GRIN2A: variants seen among roughly 807,000 people sequenced by gnomAD.
GRIN2A encodes glutamate ionotropic receptor NMDA type subunit 2A.
A neutral mutation model predicts 113.4 loss-of-function variants in GRIN2A; 22 were observed. The observed-to-expected ratio is 0.19, with a 90% CI of 0.14 to 0.28. The LOEUF (loss-of-function observed/expected upper bound fraction) is 0.28. GRIN2A is among the 10% of genes least tolerant of loss of function. The pLI is 1.00. For missense variants in GRIN2A, 1,502 were observed against 1,887.0 expected, an observed-to-expected ratio of 0.80 and a Z score of 3.78; for synonymous variants, 827 against 738.4, an observed-to-expected ratio of 1.12 and a Z score of -1.94.
At chr16:9,940,227 G>T (rs986936964) in intron 2 of GRIN2A, among the ~76,000 whole-genome samples, 1 of 152,102 alleles carries the variant, frequency 6.6e-6, no homozygotes. Flanking sequence ...ATAGTTCTTC[G>T]AAATACTGCT....
At chr16:9,811,781 A>T (rs547060645) in intron 10 of GRIN2A, among the ~76,000 whole-genome samples, 12 of 152,248 alleles carry the variant, frequency 7.9e-5, no homozygotes, top group African/African-American at 2.9e-4. Flanking sequence ...AACAAAAACA[A>T]ACAAGAGGTG....
intron 2 of GRIN2A, among the ~76,000 whole-genome samples, chr16:10,043,206 T>C (rs148900970): frequency 5.8e-4 from 88 of 152,266 alleles, no homozygotes; most frequent in African/African-American, 2.1e-3. Context: ...TCACCCCTAC[T>C]TTACAGATGA....
At chr16:9,789,786 C>T (rs758322656) in intron 11 of GRIN2A, among the ~76,000 whole-genome samples, 1 of 152,152 alleles carries the variant, frequency 6.6e-6, no homozygotes, top group Non-Finnish European at 1.5e-5. Flanking sequence ...TTGCAATGAA[C>T]AAAACCACAT....
intron 2 of GRIN2A, among the ~76,000 whole-genome samples, chr16:9,974,913 G>C (rs1178023250): frequency 6.6e-6 from 1 of 152,124 alleles, no homozygotes; most frequent in Non-Finnish European, 1.5e-5. Flanking sequence ...TCTTTGTCTT[G>C]TTCCTGATCA....
At chr16:9,765,095 A>G in intron 12 of GRIN2A, 147 bp from the exon 13 acceptor site, 1 of 987,002 alleles carries the variant, frequency 1.0e-6, no homozygotes, top group Non-Finnish European at 1.6e-6. Context: ...AATCCTGATA[A>G]TGTCTCTTAA....
intron 3 of GRIN2A, among the ~76,000 whole-genome samples, chr16:9,933,956 T>G (rs550053135): frequency 1.3e-5 from 2 of 152,354 alleles, no homozygotes; most frequent in South Asian, 2.1e-4. Flanking sequence ...CATGTATGTG[T>G]ATTGAAAGTA....
intron 2 of GRIN2A, among the ~76,000 whole-genome samples, chr16:10,171,956 C>T (rs190710498): frequency 1.8e-4 from 27 of 152,298 alleles, no homozygotes; most frequent in Admixed American, 7.2e-4. Context: ...TAAATTCAGG[C>T]AATCTAACTC....
chr16:9,787,154 A>G (rs1902279669), intron 11 of GRIN2A, among the ~76,000 whole-genome samples: 1 of 152,180 alleles, frequency 6.6e-6, no homozygotes. Flanking sequence ...TATTAACATA[A>G]CAAGATCTTT....
At chr16:9,990,476 A>C (rs2046080263) in intron 2 of GRIN2A, among the ~76,000 whole-genome samples, 1 of 151,536 alleles carries the variant, frequency 6.6e-6, no homozygotes, top group Non-Finnish European at 1.5e-5. Flanking sequence ...TAGAGGCTCA[A>C]ACTTCAGCAT....
At chr16:9,899,350 G>T (rs531444189) in intron 3 of GRIN2A, among the ~76,000 whole-genome samples, 2 of 137,086 alleles carry the variant, frequency 1.5e-5, no homozygotes, top group East Asian at 4.5e-4. Context: ...TGAGACAGGA[G>T]AACCACTTGA....
chr16:10,110,074 C>T (rs1397674295), intron 2 of GRIN2A, among the ~76,000 whole-genome samples: 1 of 151,552 alleles, frequency 6.6e-6, no homozygotes, highest in Non-Finnish European at 1.5e-5. Flanking sequence ...ACAACAGTCC[C>T]CAGAGTGTGA....
intron 2 of GRIN2A, among the ~76,000 whole-genome samples, chr16:9,941,023 C>A (rs2044862518): frequency 6.6e-6 from 1 of 152,150 alleles, no homozygotes; most frequent in South Asian, 2.1e-4. Context: ...TGATAGCTCC[C>A]ATGTAAATGA....
At chr16:9,826,516 G>A (rs998287942) in intron 9 of GRIN2A, among the ~76,000 whole-genome samples, 6 of 151,840 alleles carry the variant, frequency 4.0e-5, no homozygotes, top group Non-Finnish European at 8.8e-5. Flanking sequence ...AGGTATTCAT[G>A]ATAAACAAAC....
At chr16:9,787,341 CTT>C (rs1404985894) in intron 11 of GRIN2A, among the ~76,000 whole-genome samples, 2 of 152,220 alleles carry the variant, frequency 1.3e-5, no homozygotes, top group Admixed American at 1.3e-4. Flanking sequence ...TAATTTAACT[CTT>C]TCAACCAATT....
intron 2 of GRIN2A, among the ~76,000 whole-genome samples, chr16:10,025,229 G>T (rs999644471): frequency 6.6e-6 from 1 of 150,974 alleles, no homozygotes; most frequent in African/African-American, 2.4e-5. Flanking sequence ...TAGGAAACTC[G>T]TGGCTCTGGG....
chr16:9,784,382 A>T lies in GRIN2A; in HGVS notation c.2356+13895T>A, dbSNP rs561511567. Among the ~76,000 whole-genome samples the T allele has an allele frequency of 2.7e-5, 4 of 150,086 alleles. No homozygotes were observed. The South Asian group carries it at 8.5e-4, about 32-fold the overall frequency. Reference sequence around the variant, plus strand: ...GAAGCAGAGGTTACAGTAAGCCGAGATCTCACCACTGCATTCCAGCCTGGG... The same window carrying T: ...GAAGCAGAGGTTACAGTAAGCCGAGTTCTCACCACTGCATTCCAGCCTGGG... On this transcript the variant is annotated intron_variant, in intron 11 of 12. Transcript: ENST00000330684.
At chr16:9,866,792 T>C (rs1227818210) in intron 4 of GRIN2A, among the ~76,000 whole-genome samples, 1 of 152,200 alleles carries the variant, frequency 6.6e-6, no homozygotes, top group African/African-American at 2.4e-5. Flanking sequence ...CAGTCCACTG[T>C]AGCCACCCAT....
intron 2 of GRIN2A, among the ~76,000 whole-genome samples, chr16:10,057,654 T>C (rs1567268080): frequency 1.3e-5 from 2 of 151,966 alleles, no homozygotes; most frequent in South Asian, 4.1e-4. Context: ...AAAAAATCAC[T>C]TCCCAAAGAG....
chr16:9,855,223 G>C (rs935565722), intron 4 of GRIN2A, among the ~76,000 whole-genome samples: 1 of 152,086 alleles, frequency 6.6e-6, no homozygotes, highest in East Asian at 1.9e-4. Flanking sequence ...ATGTGACCTT[G>C]AACAAGCCAC....
Sources: allele counts gnomAD v4.1 joint callset (sites outside exome capture counted in the v4.1 genomes callset), GRCh38; gene constraint gnomAD v4.1.1; transcripts MANE v1.5; gene names NCBI Gene and HGNC (gene_info 2026-07-23, HGNC 2026-07-21).